The following TOPBP1 variants were observed in gnomAD, a reference collection of about 807,000 sequenced individuals.
The protein encoded by TOPBP1 is DNA topoisomerase II binding protein 1, also known as DNA topoisomerase 2-binding protein 1.
In TOPBP1, 28 loss-of-function variants were observed where a neutral mutation model predicts 167.7. The ratio of observed to expected loss-of-function variants is 0.17; its 90% CI spans 0.12 to 0.23. The LOEUF (loss-of-function observed/expected upper bound fraction) is 0.23, where lower values mean the gene tolerates loss of function less well. Ranked by LOEUF, TOPBP1 falls within the 10% of genes least tolerant of loss-of-function variation. TOPBP1 has a pLI of 1.00. For missense variants in TOPBP1, 1,554 were observed against 1,809.6 expected, an observed-to-expected ratio of 0.86 and a Z score of 2.56; for synonymous variants, 598 against 611.4, an observed-to-expected ratio of 0.98 and a Z score of 0.32.
chr3:133,639,768 G>T (rs1345237187), intron 13 of TOPBP1, among the ~76,000 whole-genome samples, 191 bp downstream of exon 13: 1 of 152,082 alleles, frequency 6.6e-6, no homozygotes, highest in African/African-American at 2.4e-5. Context: ...GTTACTATGA[G>T]CCATAGAAAG....
chr3:133,651,171 CTTTTTTTTTTTTTTT>C (rs1176625452), intron 8 of TOPBP1, among the ~76,000 whole-genome samples: 1 of 82,090 alleles, frequency 1.2e-5, no homozygotes, highest in Non-Finnish European at 2.2e-5. Context: ...CCGAATTTCC[CTTTTTTTTTTTTTTT>C]TTTTTTTTTT....
At chr3:133,648,560 G>C (rs533451051) in intron 10 of TOPBP1, among the ~76,000 whole-genome samples, 1 of 152,238 alleles carries the variant, frequency 6.6e-6, no homozygotes, top group African/African-American at 2.4e-5. Flanking sequence ...CACTTTGGGA[G>C]GCCAAGGCGG....
At chr3:133,655,683 T>G (rs1271344678) in intron 5 of TOPBP1, among the ~76,000 whole-genome samples, 197 bp from the exon 6 acceptor site, 1 of 152,184 alleles carries the variant, frequency 6.6e-6, no homozygotes, top group African/African-American at 2.4e-5. Flanking sequence ...AGTAATTGTT[T>G]CAGATACAGT....
Position 133,618,391 on chromosome 3 carries a change from G to A in TOPBP1, c.3414C>T (p.Ser1138=), listed in dbSNP as rs1308472674. ...QTVPDVNTEP[S]QNEQIIWDDP... Reference sequence around the variant, plus strand: ...CATCCCAAATGATCTGTTCATTTTGGGAAGGCTCTGTGTTGACATCAGGTA... The same window carrying A: ...CATCCCAAATGATCTGTTCATTTTGAGAAGGCTCTGTGTTGACATCAGGTA... The change falls in exon 21 of 28, where the codon TCC becomes TCT. Residue 1138 remains serine, a synonymous_variant. Coordinates refer to ENST00000260810, the MANE Select transcript of TOPBP1 (RefSeq NM_007027.4). 5 of 1,613,714 alleles carry A rather than the reference G, an allele frequency of 3.1e-6. No individual in the cohort carries two copies. Among genetic ancestry groups the A allele is most frequent in the Non-Finnish European group, 4.2e-6 (5 of 1,179,842 alleles).
chr3:133,643,964 T>G, intron 11 of TOPBP1, 56 bp downstream of exon 11: 1 of 1,470,404 alleles, frequency 6.8e-7, no homozygotes, highest in Non-Finnish European at 9.2e-7. Flanking sequence ...AACATTAACC[T>G]TCTTGGCATT....
intron 26 of TOPBP1, 37 bp from the exon 27 acceptor site, chr3:133,608,733 T>A: frequency 1.9e-6 from 3 of 1,607,394 alleles, no homozygotes; most frequent in Non-Finnish European, 2.5e-6. Flanking sequence ...AATCTACCAG[T>A]ATTCCAAAGT....
chr3:133,651,277 C>T (rs1030950006), intron 8 of TOPBP1, among the ~76,000 whole-genome samples: 15 of 149,874 alleles, frequency 1.0e-4, no homozygotes, highest in Non-Finnish European at 1.3e-4. Flanking sequence ...ACCTCCGCCT[C>T]CTGGGTTCAA....
intron 14 of TOPBP1, among the ~76,000 whole-genome samples, chr3:133,629,994 C>G (rs1935413740): frequency 6.6e-6 from 1 of 151,986 alleles, no homozygotes; most frequent in Non-Finnish European, 1.5e-5. Context: ...CACCATGTTG[C>G]TCAAGCTGAT....
At position 133,644,388 on chromosome 3, in the gene TOPBP1, C is replaced by T; in HGVS notation, c.1505-25G>A. The stretch of plus-strand genomic sequence containing the variant: ...ACTGAAAGAGAAAAGTAAATGTTTT[C>T]TAACCAACAATTTACCTTATACAGT... On this transcript the variant is annotated intron_variant, in intron 10 of 27. Transcript: ENST00000260810. The T allele has an allele frequency of 2.6e-6, 4 of 1,519,704 alleles. No homozygotes were observed. The South Asian group carries it at 5.3e-5, about 20-fold the overall frequency. The allele number at this position is 1,519,704 out of a possible 1,614,324, so 94.1% of individuals were successfully genotyped here. A position where few individuals can be genotyped will look rare whatever the true frequency, so the allele number is the denominator to read the frequency against.
At chr3:133,626,173 A>C (rs535547360) in intron 16 of TOPBP1, among the ~76,000 whole-genome samples, 2 of 152,340 alleles carry the variant, frequency 1.3e-5, no homozygotes, top group South Asian at 4.1e-4. Flanking sequence ...AAGCAGTCAT[A>C]GGCAATTTGT....
At chr3:133,641,308 TA>T (rs1465759472) in intron 12 of TOPBP1, among the ~76,000 whole-genome samples, 1 of 152,184 alleles carries the variant, frequency 6.6e-6, no homozygotes, top group African/African-American at 2.4e-5. Context: ...GTCCATTAAT[TA>T]AACTTTCTGC....
At chr3:133,642,047 T>C (rs1935904888) in intron 12 of TOPBP1, among the ~76,000 whole-genome samples, 1 of 152,132 alleles carries the variant, frequency 6.6e-6, no homozygotes, top group Non-Finnish European at 1.5e-5. Flanking sequence ...TGGAGTATAG[T>C]TGTGTGATCA....
chr3:133,611,793 T>C (rs1219114762), intron 24 of TOPBP1, among the ~76,000 whole-genome samples: 1 of 152,244 alleles, frequency 6.6e-6, no homozygotes, highest in African/African-American at 2.4e-5. Context: ...ATTTGTCTGT[T>C]TCTTCCTTTA....
At chr3:133,633,139 A>G (rs1935546811) in intron 14 of TOPBP1, among the ~76,000 whole-genome samples, 1 of 151,982 alleles carries the variant, frequency 6.6e-6, no homozygotes, top group Non-Finnish European at 1.5e-5. Flanking sequence ...CTACAACTCC[A>G]TTTCTTGGCT....
intron 13 of TOPBP1, among the ~76,000 whole-genome samples, 195 bp from the exon 14 acceptor site, chr3:133,638,357 A>C (rs1250040860): frequency 6.6e-6 from 1 of 152,182 alleles, no homozygotes; most frequent in Non-Finnish European, 1.5e-5. Flanking sequence ...TAAATCACAA[A>C]ATTATATACC....
intron 10 of TOPBP1, among the ~76,000 whole-genome samples, chr3:133,646,477 C>A (rs1045098264): frequency 1.3e-5 from 2 of 151,884 alleles, no homozygotes; most frequent in African/African-American, 4.8e-5. Flanking sequence ...ATGGTGAAAC[C>A]CCATCTCTAC....
At chr3:133,640,243 C>T in intron 12 of TOPBP1, 73 bp from the exon 13 acceptor site, 2 of 1,290,994 alleles carry the variant, frequency 1.5e-6, no homozygotes, top group Non-Finnish European at 1.1e-6. Flanking sequence ...AAATTTCCAA[C>T]ACAACAGTGT....
chr3:133,602,756 G>A (rs116427892), intron 27 of TOPBP1, among the ~76,000 whole-genome samples: 3 of 152,178 alleles, frequency 2.0e-5, no homozygotes, highest in Admixed American at 6.5e-5. Flanking sequence ...GAGTATGGCT[G>A]TTTTCCAACA....
chr3:133,612,967 C>G (rs1934731544), intron 23 of TOPBP1, among the ~76,000 whole-genome samples: 1 of 152,122 alleles, frequency 6.6e-6, no homozygotes, highest in South Asian at 2.1e-4. Context: ...TCAAGCGATT[C>G]TCCTCCCTCA....
Sources: allele counts gnomAD v4.1 joint callset (sites outside exome capture counted in the v4.1 genomes callset), GRCh38; gene constraint gnomAD v4.1.1; transcripts MANE v1.5; gene names NCBI Gene and HGNC (gene_info 2026-07-23, HGNC 2026-07-21).